The following TNKS1BP1 variants were observed in gnomAD, a reference collection of about 807,000 sequenced individuals.
The protein encoded by TNKS1BP1 is CCR4-NOT transcription complex subunit 12.
In TNKS1BP1, 48 loss-of-function variants were observed where a neutral mutation model predicts 141.1. The ratio of observed to expected loss-of-function variants is 0.34; its 90% CI spans 0.27 to 0.43. TNKS1BP1 has a LOEUF of 0.43. Among genes scored for constraint, TNKS1BP1 ranks in the 20% least tolerant of loss-of-function variants. TNKS1BP1 has a pLI of 1.00. For missense variants in TNKS1BP1, 2,149 were observed against 2,226.0 expected (o/e 0.97, Z 0.70); for synonymous variants, 875 against 898.2 (o/e 0.97, Z 0.46).
chr11:57,301,130 TC>T, intron 9 of TNKS1BP1, 89 bp from the exon 10 acceptor site: 1 of 1,365,668 alleles, frequency 7.3e-7, no homozygotes, highest in Non-Finnish European at 9.7e-7. Context: ...GAGTGTGCAG[TC>T]CCCAGAATCA....
chr11:57,312,763 T>C lies in TNKS1BP1; in HGVS notation c.1925A>G (p.Gln642Arg), dbSNP rs754082213. 4 of 1,601,976 alleles carry C rather than the reference T, an allele frequency of 2.5e-6. No homozygotes were observed. Among genetic ancestry groups the C allele is most frequent in the African/African-American group, 2.7e-5 (2 of 74,754 alleles). Residue 642 changes from glutamine (Q) to arginine (R), a missense_variant, in exon 5 of 12, where the codon CAG becomes CGG. Gln to Arg is a conservative substitution (Grantham distance 43, BLOSUM62 1). Coordinates refer to ENST00000358252, the MANE Select transcript of TNKS1BP1 (RefSeq NM_033396.3). ...VLFADAPEPG[Q>R]ALPVEEEAVT... The stretch of plus-strand genomic sequence containing the variant: ...GGCCTCCTCCTCAACAGGCAGTGCC[T>C]GTCCAGGCTCAGGGGCATCAGCAAA...
At chr11:57,322,215 C>G in intron 1 of TNKS1BP1, 1 of 1,114,122 alleles carries the variant, frequency 9.0e-7, no homozygotes, top group Non-Finnish European at 1.1e-6. Flanking sequence ...CTCTGACAAG[C>G]TCTCCAAGAC....
In TNKS1BP1 at chr11:57,300,947, G is replaced by A; in HGVS notation, c.5066C>T (p.Ser1689Phe). ...CTTTCCCAGTCCTGGGACCTTGCAG[G>A]ATTTCGAACGCTGGACCGCGGACTC... is the stretch of plus-strand genomic sequence containing the variant. ...QKESAVQRSK[S>F]CKVPGLGKPL... The change falls in exon 10 of 12, where the codon TCC (serine) becomes TTC (phenylalanine). Residue 1689 changes from serine to phenylalanine, a missense_variant. Physicochemically the swap from Ser to Phe is radical, Grantham distance 155 (BLOSUM62 -2). Transcript: ENST00000358252. 6.2e-7 allele frequency: 1 copy of A among 1,614,182 alleles called. No homozygotes were observed. The highest frequency in any genetic ancestry group is 8.5e-7 in the Non-Finnish European group (1 of 1,180,042).
intron 1 of TNKS1BP1, chr11:57,322,172 C>T: frequency 4.6e-6 from 5 of 1,098,498 alleles, no homozygotes; most frequent in South Asian, 2.1e-5. Context: ...CCCCAAAGTC[C>T]TAGCGCTTCA....
At position 57,313,827 on chromosome 11, in the gene TNKS1BP1, G is replaced by C; in HGVS notation, c.861C>G (p.Ser287Arg). 6.5e-7 allele frequency: 1 copy of C among 1,541,120 alleles called. No homozygotes were observed. Among genetic ancestry groups the C allele is most frequent in the East Asian group, 2.3e-5 (1 of 44,038 alleles). Residue 287 changes from serine (S) to arginine (R), a missense_variant, in exon 5 of 12, where the codon AGC becomes AGG. Coordinates refer to ENST00000358252, the MANE Select transcript of TNKS1BP1 (RefSeq NM_033396.3). ...APSSENGGPA[S>R]PGLPAEASGS... The stretch of plus-strand genomic sequence containing the variant: ...CTGAGGCTTCTGCGGGGAGGCCTGG[G>C]CTGGCAGGGCCTCCATTCTCTGAGG...
At chr11:57,324,505 G>A (rs1389325133) in intron 1 of TNKS1BP1, among the ~76,000 whole-genome samples, 2 of 149,638 alleles carry the variant, frequency 1.3e-5, no homozygotes, top group Non-Finnish European at 3.0e-5. Flanking sequence ...GAGGGGGCTA[G>A]CGCGGCCCGG....
chr11:57,305,050 CCATCTTAGAAG>C (rs763923749), intron 6 of TNKS1BP1, among the ~76,000 whole-genome samples: 25 of 152,168 alleles, frequency 1.6e-4, no homozygotes, highest in Non-Finnish European at 3.1e-4. Context: ...GCCCTTCACC[CCATCTTAGAAG>C]CAGCTTTCCT....
chr11:57,309,056 C>G lies in TNKS1BP1; in HGVS notation c.3655G>C (p.Gly1219Arg). 1 of 1,614,182 alleles carries G rather than the reference C, an allele frequency of 6.2e-7. No homozygotes were observed. The highest frequency in any genetic ancestry group is 8.5e-7 in the Non-Finnish European group (1 of 1,180,026). ...LESGGSEEPG[G>R]IGVGEKDWTS... Reference sequence around the variant, plus strand: ...CAGTCCTTCTCCCCAACTCCGATTCCCCCCGGCTCTTCAGACCCTCCACTT... The same window carrying G: ...CAGTCCTTCTCCCCAACTCCGATTCGCCCCGGCTCTTCAGACCCTCCACTT... The change falls in exon 6 of 12, where the codon GGA becomes CGA. Residue 1219 changes from glycine (G) to arginine (R), a missense_variant. Physicochemically the swap from Gly to Arg is moderately radical, Grantham distance 125. Coordinates refer to ENST00000358252, the MANE Select transcript of TNKS1BP1 (RefSeq NM_033396.3). The surrounding 1 kb of genome is among the most constrained non-coding windows in gnomAD (Gnocchi z 4.3).
rs763059542 is a variant in TNKS1BP1 at position 57,299,776 on chromosome 11, T to C, written c.*318A>G. The C allele has an allele frequency of 6.5e-6, 1 of 154,718 alleles. No homozygotes were observed. The highest frequency in any genetic ancestry group is 5.2e-4 in the Middle Eastern group (1 of 1,924). The allele number at this position is 154,718 out of a possible 1,614,324, so 9.6% of individuals were successfully genotyped here. ...CCATTATAAAAATCAAAGGCTTTTA[T>C]AAAAAATGCTATAAATTGGTATCAA... On this transcript the variant is annotated 3_prime_UTR_variant, in exon 12 of 12. Coordinates refer to ENST00000358252, the MANE Select transcript of TNKS1BP1 (RefSeq NM_033396.3).
chr11:57,314,226 C>T (rs1230167662), intron 4 of TNKS1BP1, among the ~76,000 whole-genome samples: 1 of 152,238 alleles, frequency 6.6e-6, no homozygotes, highest in East Asian at 1.9e-4. Context: ...GGGTCCATAA[C>T]ACCTGCTTTA....
Position 57,320,220 on chromosome 11 carries a change from C to G in TNKS1BP1, c.587G>C (p.Arg196Pro), listed in dbSNP as rs141797385. 6.2e-7 allele frequency: 1 copy of G among 1,614,206 alleles called. No individual in the cohort carries two copies. Among genetic ancestry groups the G allele is most frequent in the Non-Finnish European group, 8.5e-7 (1 of 1,180,036 alleles). The change falls in exon 3 of 12, where the codon CGA (arginine) becomes CCA (proline). Residue 196 changes from arginine (R) to proline (P), a missense_variant. Transcript: ENST00000358252. ...CGTGCCATAGGTCCTGGGGCCATAT[C>G]GCGAGCTGCCATCGTGGTTAAAGGT... ...RLTFNHDGSS[R>P]YGPRTYGTTT...
rs1349554994 is a variant in TNKS1BP1, at chr11:57,321,820, C to T, written c.66G>A (p.Glu22=). 25 of 1,614,114 alleles carry T rather than the reference C, an allele frequency of 1.5e-5. No homozygotes were observed. The highest frequency in any genetic ancestry group is 1.9e-5 in the Non-Finnish European group (23 of 1,180,018). The change falls in exon 2 of 12, where the codon GAG becomes GAA. Residue 22 remains glutamate, a synonymous_variant. Coordinates refer to ENST00000358252, the MANE Select transcript of TNKS1BP1 (RefSeq NM_033396.3). The part of the protein sequence containing the change: ...MASPLPREME[E]ELVPTGSEPG... ...GCTCAGAGCCAGTAGGCACCAGCTC[C>T]TCCTCCATCTCCCGGGGCAGTGGGG...
chr11:57,303,890 A>G (rs146106815), intron 6 of TNKS1BP1, among the ~76,000 whole-genome samples: 116 of 152,228 alleles, frequency 7.6e-4, no homozygotes, highest in African/African-American at 2.7e-3. Flanking sequence ...TCTAAAAACA[A>G]AATACAAACA....
intron 1 of TNKS1BP1, 53 bp from the exon 2 acceptor site, chr11:57,322,003 G>T: frequency 7.1e-7 from 1 of 1,410,114 alleles, no homozygotes; most frequent in Non-Finnish European, 9.3e-7. Flanking sequence ...TTGCCAGTAG[G>T]TTTAGCAGAG....
Position 57,312,674 on chromosome 11 carries a change from A to T in TNKS1BP1, c.2014T>A (p.Ser672Thr). 1.9e-6 allele frequency: 3 copies of T among 1,581,554 alleles called. No individual in the cohort carries two copies. The South Asian group carries it at 3.5e-5, about 19-fold the overall frequency. Residue 672 changes from serine (S) to threonine (T), a missense_variant, in exon 5 of 12, where the codon TCC (serine) becomes ACC (threonine). By Grantham distance (58) the Ser-to-Thr change is moderately conservative. Coordinates refer to ENST00000358252, the MANE Select transcript of TNKS1BP1 (RefSeq NM_033396.3). ...CTTTCAGGGCCTGGAGGCTCGGGGG[A>T]TGCCCTACACAAGTCTTGAGCCTCT... ...RTEAQDLCRA[S>T]PEPPGPESSS...
chr11:57,300,672 G>C (rs1855512047), intron 10 of TNKS1BP1, 72 bp from the exon 11 acceptor site: 2 of 1,594,110 alleles, frequency 1.3e-6, no homozygotes, highest in Non-Finnish European at 1.7e-6. Flanking sequence ...GACGTGATAG[G>C]GACAGAAACC....
At chr11:57,311,040 C>G (rs1380740862) in intron 5 of TNKS1BP1, among the ~76,000 whole-genome samples, 1 of 152,182 alleles carries the variant, frequency 6.6e-6, no homozygotes, top group Non-Finnish European at 1.5e-5. Context: ...CCCCCATGCC[C>G]CATCTGACCC....
Position 57,320,093 on chromosome 11 carries a change from C to T in TNKS1BP1, c.714G>A (p.Lys238=). ...CCACCCTTCACCTCTCCTCAGGGGT[C>T]TTGCTGTGCTCTTCCCGGCACTCTG... ...SPAECREEHS[K]TPEERSLPSD... is the part of the protein sequence containing the mutation. The change falls in exon 3 of 12, where the codon AAG becomes AAA. Residue 238 remains lysine, a synonymous_variant. Transcript: ENST00000358252. 1 of 1,398,700 alleles carries T rather than the reference C, an allele frequency of 7.1e-7. No individual in the cohort carries two copies. The highest frequency in any genetic ancestry group is 9.6e-7 in the Non-Finnish European group (1 of 1,043,962). 86.6% of individuals were successfully genotyped at this position (1,398,700 alleles called of 1,614,324 possible).
intron 11 of TNKS1BP1, 74 bp downstream of exon 11, chr11:57,300,453 AG>A: frequency 1.5e-6 from 2 of 1,363,610 alleles, no homozygotes; most frequent in Admixed American, 3.6e-5. Context: ...AAGGGACAGA[AG>A]GGGCATGAGG....
Sources: gnomAD v4.1 joint callset for allele counts (sites outside exome capture counted in the v4.1 genomes callset) on GRCh38, gnomAD v4.1.1 for gene constraint, Gnocchi (gnomAD v3.1) non-coding constraint, MANE v1.5 for transcripts, NCBI Gene and HGNC (gene_info 2026-07-23, HGNC 2026-07-21) for gene names.